Variants in PCDH15 observed in about 807,000 individuals in gnomAD.
PCDH15 encodes protocadherin related 15, also known as protocadherin-15.
A neutral mutation model predicts 178.5 loss-of-function variants in PCDH15; 129 were observed. The observed-to-expected ratio is 0.72, with a 90% CI of 0.63 to 0.84. The LOEUF (loss-of-function observed/expected upper bound fraction) is 0.84, where lower values mean the gene tolerates loss of function less well. PCDH15 is among the 40% of genes least tolerant of loss of function. The pLI, the probability that PCDH15 is intolerant of heterozygous loss-of-function variation, is 0.00. For missense variants in PCDH15, 2,230 were observed against 2,099.9 expected, an observed-to-expected ratio of 1.06 and a Z score of -1.21; for synonymous variants, 800 against 732.0, an observed-to-expected ratio of 1.09 and a Z score of -1.50.
At chr10:55,222,314 T>G (rs1295296602) in intron 1 of PCDH15, among the ~76,000 whole-genome samples, 1 of 152,072 alleles carries the variant, frequency 6.6e-6, no homozygotes, top group African/African-American at 2.4e-5. Flanking sequence ...GTAACTTGTT[T>G]TGAATAGTAG....
chr10:53,837,398 C>T (rs566890400), intron 29 of PCDH15, among the ~76,000 whole-genome samples: 1 of 152,124 alleles, frequency 6.6e-6, no homozygotes, highest in Non-Finnish European at 1.5e-5. Flanking sequence ...TACCGATAAG[C>T]TGGCCAAACA....
intron 2 of PCDH15, among the ~76,000 whole-genome samples, chr10:55,485,573 G>A (rs1840277484): frequency 6.6e-6 from 1 of 151,534 alleles, no homozygotes; most frequent in Non-Finnish European, 1.5e-5. Flanking sequence ...AGCCATTATG[G>A]AAAACAGTAT....
chr10:55,020,627 C>T (rs1840304311), intron 2 of PCDH15, among the ~76,000 whole-genome samples: 1 of 151,964 alleles, frequency 6.6e-6, no homozygotes, highest in South Asian at 2.1e-4. Flanking sequence ...ACTCATTAAG[C>T]CAGAGGGAAA....
intron 8 of PCDH15, among the ~76,000 whole-genome samples, chr10:54,268,911 T>G (rs762614892): frequency 2.6e-4 from 39 of 151,580 alleles, no homozygotes; most frequent in Non-Finnish European, 5.2e-4. Context: ...AAAACTATTT[T>G]CTTCTCTGCC....
At chr10:55,341,791 ATATATATATATATATTTTTTTTTTTTT>A (rs1343230469) in intron 2 of PCDH15, among the ~76,000 whole-genome samples, 357 of 13,456 alleles carry the variant, frequency 0.027, 17 homozygotes, top group African/African-American at 0.085. Context: ...ATATATATAT[ATATATATATATATATTTTTTTTTTTTT>A]TTTTTTTTTT....
chr10:54,815,888 A>G (rs1206585306), intron 3 of PCDH15, among the ~76,000 whole-genome samples: 5 of 152,152 alleles, frequency 3.3e-5, no homozygotes, highest in East Asian at 1.9e-4. Context: ...TCTTTTCTCT[A>G]GCTTGCTTTA....
intron 26 of PCDH15, among the ~76,000 whole-genome samples, chr10:53,894,094 T>C (rs984568863): frequency 4.6e-5 from 7 of 152,094 alleles, no homozygotes; most frequent in Non-Finnish European, 7.4e-5. Flanking sequence ...AAACACCAAT[T>C]TGAAATGTTA....
intron 2 of PCDH15, among the ~76,000 whole-genome samples, chr10:54,540,563 G>A (rs2085097013): frequency 6.6e-6 from 1 of 151,964 alleles, no homozygotes; most frequent in Non-Finnish European, 1.5e-5. Context: ...ACTCACAGCC[G>A]AATTCTACCA....
chr10:54,588,586 T>C (rs1322451958), intron 2 of PCDH15, among the ~76,000 whole-genome samples: 1 of 152,132 alleles, frequency 6.6e-6, no homozygotes, highest in African/African-American at 2.4e-5. Context: ...TTTGTTGTTA[T>C]TGTTTTCTTG....
intron 26 of PCDH15, among the ~76,000 whole-genome samples, chr10:53,882,316 C>T (rs2133355759): frequency 6.6e-6 from 1 of 152,304 alleles, no homozygotes; most frequent in Admixed American, 6.5e-5. Flanking sequence ...CAATAAATAG[C>T]ATGGGCTCCC....
At chr10:54,069,356 A>C (rs1465459892) in intron 17 of PCDH15, among the ~76,000 whole-genome samples, 2 of 152,184 alleles carry the variant, frequency 1.3e-5, no homozygotes, top group African/African-American at 4.8e-5. Context: ...GTAACTCTTA[A>C]GTGGATAATG....
At chr10:55,585,801 T>C (rs913100267) in intron 2 of PCDH15, among the ~76,000 whole-genome samples, 3 of 151,996 alleles carry the variant, frequency 2.0e-5, no homozygotes, top group Admixed American at 6.6e-5. Context: ...GAGAGAGAGA[T>C]AGACTGTTCT....
chr10:54,240,392 G>A (rs1358041168), intron 8 of PCDH15, among the ~76,000 whole-genome samples: 2 of 151,594 alleles, frequency 1.3e-5, no homozygotes, highest in Non-Finnish European at 2.9e-5. Context: ...ACAGATAAAA[G>A]AAATAGTCTT....
intron 3 of PCDH15, among the ~76,000 whole-genome samples, chr10:54,863,313 C>T (rs1953878191): frequency 6.6e-6 from 1 of 152,072 alleles, no homozygotes; most frequent in African/African-American, 2.4e-5. Context: ...GAGACCAAGG[C>T]GGGCAGATCA....
intron 3 of PCDH15, among the ~76,000 whole-genome samples, chr10:54,880,080 T>G (rs1954233649): frequency 6.6e-6 from 1 of 152,134 alleles, no homozygotes; most frequent in Non-Finnish European, 1.5e-5. Context: ...GATTCAATAT[T>G]TTTACACCCA....
chr10:55,578,259 C>T (rs1235806020), intron 2 of PCDH15, among the ~76,000 whole-genome samples: 1 of 151,690 alleles, frequency 6.6e-6, no homozygotes, highest in Non-Finnish European at 1.5e-5. Context: ...ACTCTATCAC[C>T]CAGGCTGAAG....
chr10:54,758,219 T>C (rs531074115), intron 1 of PCDH15, among the ~76,000 whole-genome samples: 3 of 152,334 alleles, frequency 2.0e-5, no homozygotes, highest in East Asian at 3.9e-4. Flanking sequence ...GTTCGACTTA[T>C]AATTTTTTAT....
At chr10:54,006,074 G>C (rs1460313774) in intron 20 of PCDH15, among the ~76,000 whole-genome samples, 2 of 152,088 alleles carry the variant, frequency 1.3e-5, no homozygotes, top group African/African-American at 2.4e-5. Flanking sequence ...GAAACCAGTG[G>C]GTGATATTTA....
chr10:54,341,632 C>T (rs558990968), intron 6 of PCDH15, among the ~76,000 whole-genome samples: 1 of 152,246 alleles, frequency 6.6e-6, no homozygotes, highest in East Asian at 1.9e-4. Context: ...GGGTAATGGT[C>T]AGAGGTTGGA....
Sources: allele counts gnomAD v4.1 joint callset (sites outside exome capture counted in the v4.1 genomes callset), GRCh38; gene constraint gnomAD v4.1.1; transcripts MANE v1.5; gene names NCBI Gene and HGNC (gene_info 2026-07-23, HGNC 2026-07-21).